MARCHF11: variants seen among roughly 807,000 people sequenced by gnomAD.
MARCHF11 encodes the protein membrane associated ring-CH-type finger 11, also known as E3 ubiquitin-protein ligase MARCHF11.
In MARCHF11, 29 loss-of-function variants were observed where a neutral mutation model predicts 37.3. The observed-to-expected ratio is 0.78, with a 90% confidence interval of 0.58 to 1.06. The LOEUF is 1.06. Among genes scored for constraint, MARCHF11 ranks in the 50% least tolerant of loss-of-function variants. The probability of loss-of-function intolerance (pLI) is 0.00; values close to 1 mark genes in which losing one functional copy is unlikely to be tolerated. For missense variants in MARCHF11, 482 were observed against 533.4 expected, an observed-to-expected ratio of 0.90 and a Z score of 0.95; for synonymous variants, 233 against 228.0, an observed-to-expected ratio of 1.02 and a Z score of -0.20.
chr5:16,152,230 TAA>T (rs1737901439), intron 2 of MARCHF11, among the ~76,000 whole-genome samples: 2 of 151,990 alleles, frequency 1.3e-5, no homozygotes, highest in African/African-American at 4.8e-5. Context: ...GGGTATGATA[TAA>T]ACCAGACAGT....
At chr5:16,070,976 G>A (rs181694245) in intron 3 of MARCHF11, among the ~76,000 whole-genome samples, 9 of 151,856 alleles carry the variant, frequency 5.9e-5, no homozygotes, top group Admixed American at 5.2e-4. Context: ...ATGCTGTGGC[G>A]TTACGGCGAA....
At chr5:16,150,507 C>G (rs1737872526) in intron 2 of MARCHF11, among the ~76,000 whole-genome samples, 1 of 149,604 alleles carries the variant, frequency 6.7e-6, no homozygotes, top group Non-Finnish European at 1.5e-5. Context: ...GTATTGGGAT[C>G]TACAAACAGG....
chr5:16,148,610 C>A (rs1737843407), intron 2 of MARCHF11, among the ~76,000 whole-genome samples: 1 of 152,176 alleles, frequency 6.6e-6, no homozygotes, highest in Non-Finnish European at 1.5e-5. Context: ...CACCTGTTAG[C>A]AGTTTGCAGG....
At chr5:16,137,635 G>A (rs989227806) in intron 2 of MARCHF11, among the ~76,000 whole-genome samples, 3 of 152,238 alleles carry the variant, frequency 2.0e-5, no homozygotes, top group Non-Finnish European at 2.9e-5. Flanking sequence ...ATGGTTTGGA[G>A]GGCTCAGAAG....
chr5:16,088,812 A>C (rs576510343), intron 3 of MARCHF11, among the ~76,000 whole-genome samples: 1 of 152,256 alleles, frequency 6.6e-6, no homozygotes, highest in African/African-American at 2.4e-5. Flanking sequence ...GCCAAAACAC[A>C]ATGAAAAGTG....
At chr5:16,153,807 C>T (rs535418781) in intron 2 of MARCHF11, among the ~76,000 whole-genome samples, 2 of 152,036 alleles carry the variant, frequency 1.3e-5, no homozygotes, top group East Asian at 1.9e-4. Context: ...GATCATATGA[C>T]TAGGTTGTGG....
At chr5:16,143,923 TA>T (rs1737759611) in intron 2 of MARCHF11, among the ~76,000 whole-genome samples, 1 of 152,192 alleles carries the variant, frequency 6.6e-6, no homozygotes, top group South Asian at 2.1e-4. Flanking sequence ...CTAAGGCCTG[TA>T]GTCAGTAGAT....
chr5:16,123,071 C>T (rs1372127530), intron 2 of MARCHF11, among the ~76,000 whole-genome samples: 2 of 152,166 alleles, frequency 1.3e-5, no homozygotes, highest in Non-Finnish European at 2.9e-5. Flanking sequence ...GCTCCTCCAG[C>T]GCAAGTCCAT....
chr5:16,173,395 T>C lies in MARCHF11; in HGVS notation c.693+4331A>G, dbSNP rs762053473. 3.9e-5 allele frequency among the ~76,000 whole-genome samples: 6 copies of C among 152,214 alleles called. No individual in the cohort carries two copies. The South Asian group carries it at 6.2e-4, about 16-fold the overall frequency. On this transcript the variant is annotated intron_variant, in intron 2 of 3. Coordinates refer to ENST00000332432, the MANE Select transcript of MARCHF11 (RefSeq NM_001102562.3). ...CAAAGTATGGCTGCCTGACCTTGAA[T>C]AGTGCTGTCCTGTGCTTGGCCACAT...
At chr5:16,178,415 T>C (rs1390190812) in intron 1 of MARCHF11, among the ~76,000 whole-genome samples, 3 of 152,238 alleles carry the variant, frequency 2.0e-5, no homozygotes, top group Admixed American at 2.0e-4. Flanking sequence ...ACATATGCTA[T>C]CATTTCCTCT....
At chr5:16,136,829 G>T (rs1041491789) in intron 2 of MARCHF11, among the ~76,000 whole-genome samples, 1 of 152,108 alleles carries the variant, frequency 6.6e-6, no homozygotes. Context: ...AGAAAGGATG[G>T]AAGGTGGAAA....
In MARCHF11 at chr5:16,177,732, AG is replaced by A; in HGVS notation, c.686del (p.Pro229LeufsTer9). 2 of 1,600,904 alleles carry A rather than the reference AG, an allele frequency of 1.2e-6. No homozygotes were observed. Among genetic ancestry groups the A allele is most frequent in the Non-Finnish European group, 8.5e-7 (1 of 1,175,108 alleles). On this transcript the variant is annotated frameshift_variant, in exon 2 of 4. Coordinates refer to ENST00000332432, the MANE Select transcript of MARCHF11 (RefSeq NM_001102562.3). LOFTEE classifies it high-confidence loss of function. ...AAATGTTGAAACTGCTTACCTGGCA[AG>A]GTTGTTTCATTTTAATGGCTATAAC... ...YHVIAIKMKQ[P>X]CQWQSISITL...
At chr5:16,174,188 A>G (rs988702109) in intron 2 of MARCHF11, among the ~76,000 whole-genome samples, 2 of 152,210 alleles carry the variant, frequency 1.3e-5, no homozygotes, top group African/African-American at 4.8e-5. Context: ...GCATTTCACT[A>G]ATTTTAGGTC....
chr5:16,131,873 G>T (rs1316855798), intron 2 of MARCHF11, among the ~76,000 whole-genome samples: 1 of 152,234 alleles, frequency 6.6e-6, no homozygotes, highest in Admixed American at 6.5e-5. Flanking sequence ...ATATTAAGTA[G>T]TGGTGATGTG....
chr5:16,160,378 T>C (rs1738053624), intron 2 of MARCHF11, among the ~76,000 whole-genome samples: 3 of 145,108 alleles, frequency 2.1e-5, no homozygotes. Context: ...AAATATTAAA[T>C]ATAATAATAT....
intron 2 of MARCHF11, among the ~76,000 whole-genome samples, chr5:16,172,261 T>G (rs1738282005): frequency 1.3e-5 from 2 of 152,202 alleles, no homozygotes; most frequent in African/African-American, 4.8e-5. Context: ...AAATACGGAT[T>G]CTTATGTTTT....
At chr5:16,147,081 T>C (rs1010854017) in intron 2 of MARCHF11, among the ~76,000 whole-genome samples, 1 of 152,130 alleles carries the variant, frequency 6.6e-6, no homozygotes, top group Non-Finnish European at 1.5e-5. Flanking sequence ...CAAAAGACTA[T>C]CTTTTATTTG....
intron 2 of MARCHF11, among the ~76,000 whole-genome samples, chr5:16,162,624 T>C: frequency 6.6e-6 from 1 of 152,036 alleles, no homozygotes; most frequent in East Asian, 1.9e-4. Context: ...GAATTTCTAC[T>C]TATATATTAT....
intron 2 of MARCHF11, among the ~76,000 whole-genome samples, chr5:16,124,545 A>G (rs1737367695): frequency 6.6e-6 from 1 of 152,202 alleles, no homozygotes; most frequent in South Asian, 2.1e-4. Flanking sequence ...AGGAGAAGAC[A>G]GAACCATCAG....
Sources: gnomAD v4.1 joint callset for allele counts (sites outside exome capture counted in the v4.1 genomes callset) on GRCh38, gnomAD v4.1.1 for gene constraint, MANE v1.5 for transcripts, NCBI Gene and HGNC (gene_info 2026-07-23, HGNC 2026-07-21) for gene names.